The following CSMD3 variants were observed in gnomAD, a reference collection of about 807,000 sequenced individuals.
CSMD3 encodes CUB and Sushi multiple domains 3, also known as CUB and sushi domain-containing protein 3.
CSMD3 carries 177 observed loss-of-function variants against 435.2 expected under a neutral mutation model. That is an observed-to-expected ratio of 0.41 (90% CI 0.36 to 0.46). CSMD3 has a LOEUF of 0.46. Ranked by LOEUF, CSMD3 falls within the 20% of genes least tolerant of loss-of-function variation. The pLI is 0.34. For missense variants in CSMD3, 4,265 were observed against 4,504.6 expected, an observed-to-expected ratio of 0.95 and a Z score of 1.52; for synonymous variants, 1,656 against 1,520.5, an observed-to-expected ratio of 1.09 and a Z score of -2.07.
intron 13 of CSMD3, among the ~76,000 whole-genome samples, chr8:112,744,847 T>C (rs143587772): frequency 1.6e-4 from 25 of 152,242 alleles, no homozygotes; most frequent in African/African-American, 5.1e-4. Flanking sequence ...AGGTAACCTG[T>C]GCAGACTGGT....
At chr8:113,184,972 C>T (rs1009497589) in intron 3 of CSMD3, among the ~76,000 whole-genome samples, 7 of 152,158 alleles carry the variant, frequency 4.6e-5, no homozygotes, top group East Asian at 1.9e-4. Flanking sequence ...TTGGAAGGGA[C>T]GTTAGAATCA....
intron 5 of CSMD3, among the ~76,000 whole-genome samples, chr8:113,082,507 T>C (rs1588035910): frequency 6.6e-6 from 1 of 152,058 alleles, no homozygotes; most frequent in Non-Finnish European, 1.5e-5. Flanking sequence ...CCTATAAATC[T>C]ACTCCACAAA....
chr8:112,785,399 A>G (rs900737557), intron 13 of CSMD3, among the ~76,000 whole-genome samples: 1 of 151,986 alleles, frequency 6.6e-6, no homozygotes, highest in Non-Finnish European at 1.5e-5. Flanking sequence ...AGTACCAGAA[A>G]TTGTAGCTGG....
At chr8:112,859,725 T>C (rs957696557) in intron 10 of CSMD3, among the ~76,000 whole-genome samples, 2 of 151,692 alleles carry the variant, frequency 1.3e-5, no homozygotes, top group Non-Finnish European at 3.0e-5. Flanking sequence ...TCTGTACTTA[T>C]AACTATGAAT....
intron 65 of CSMD3, 80 bp downstream of exon 65, chr8:112,244,314 T>G: frequency 8.3e-7 from 1 of 1,210,478 alleles, no homozygotes; most frequent in Non-Finnish European, 1.2e-6. Flanking sequence ...TATGCTAATT[T>G]GAGTTGAGTT....
At position 112,335,479 on chromosome 8, in the gene CSMD3, G is replaced by A. The variant is rs1346480068; in HGVS notation, c.7020-5C>T. On this transcript the variant is annotated splice_polypyrimidine_tract_variant and splice_region_variant and intron_variant, in intron 44 of 70. Coordinates refer to ENST00000297405, the MANE Select transcript of CSMD3 (RefSeq NM_198123.2). The stretch of plus-strand genomic sequence containing the variant: ...GAATTTTGGTCTGGTCCATCCCTAT[G>A]AGACAAGGATTGGGAAAGGAGGAGA... 1 of 1,613,420 alleles carries A rather than the reference G, an allele frequency of 6.2e-7. No homozygotes were observed. Among genetic ancestry groups the A allele is most frequent in the Non-Finnish European group, 8.5e-7 (1 of 1,179,582 alleles).
At chr8:113,174,052 T>C in intron 3 of CSMD3, 136 bp from the exon 4 acceptor site, 1 of 696,832 alleles carries the variant, frequency 1.4e-6, no homozygotes. Flanking sequence ...AACTGTCTTC[T>C]ATTCCAATAC....
chr8:112,913,177 G>C (rs2082475098), intron 10 of CSMD3, among the ~76,000 whole-genome samples: 1 of 151,902 alleles, frequency 6.6e-6, no homozygotes, highest in Admixed American at 6.6e-5. Context: ...AACCTTTTAG[G>C]CACCAGGGAC....
At chr8:113,265,066 AT>A (rs2093458405) in intron 3 of CSMD3, among the ~76,000 whole-genome samples, 1 of 151,650 alleles carries the variant, frequency 6.6e-6, no homozygotes, top group East Asian at 1.9e-4. Context: ...ATCCAAAATG[AT>A]TTTTTATACA....
At chr8:113,080,097 TA>T (rs914950245) in intron 5 of CSMD3, among the ~76,000 whole-genome samples, 15 of 152,154 alleles carry the variant, frequency 9.9e-5, no homozygotes, top group African/African-American at 3.6e-4. Context: ...TGTTTGTTTT[TA>T]TTTAGCCGTT....
At chr8:112,311,573 T>C (rs574349482) in intron 49 of CSMD3, among the ~76,000 whole-genome samples, 2 of 152,324 alleles carry the variant, frequency 1.3e-5, no homozygotes, top group African/African-American at 4.8e-5. Flanking sequence ...TTTGAAGTTA[T>C]ATCCAGACAC....
chr8:112,786,386 A>G (rs1386681451), intron 13 of CSMD3, among the ~76,000 whole-genome samples: 3 of 152,162 alleles, frequency 2.0e-5, no homozygotes, highest in African/African-American at 7.2e-5. Context: ...TTATTACCCC[A>G]AAAGCACAGG....
chr8:113,072,069 G>A (rs533446883), intron 5 of CSMD3, among the ~76,000 whole-genome samples: 2 of 151,504 alleles, frequency 1.3e-5, no homozygotes, highest in Admixed American at 1.3e-4. Flanking sequence ...TATTGCTATT[G>A]TAAAGGAGAT....
At chr8:112,571,279 T>TAAA (rs1829492349) in intron 24 of CSMD3, among the ~76,000 whole-genome samples, 1 of 152,096 alleles carries the variant, frequency 6.6e-6, no homozygotes, top group Non-Finnish European at 1.5e-5. Flanking sequence ...AGTGCTGGGA[T>TAAA]TACAGGCGTG....
chr8:112,473,449 A>G (rs1255340822), intron 31 of CSMD3, among the ~76,000 whole-genome samples: 1 of 152,162 alleles, frequency 6.6e-6, no homozygotes. Context: ...AGCGAATAAG[A>G]TCACTCTGAA....
rs1253435296 is a variant in CSMD3 at position 113,312,918 on chromosome 8, T to C, written c.401+1653A>G. 4 of 152,192 alleles carry C rather than the reference T, an allele frequency of 2.6e-5. No individual in the cohort carries two copies. In the East Asian group the frequency reaches 7.7e-4, roughly 29 times the overall value. 9.4% of individuals were successfully genotyped at this position (152,192 alleles called of 1,614,324 possible). On this transcript the variant is annotated intron_variant, in intron 2 of 70. Transcript: ENST00000297405. ...AAAAGGAAAAAGAAATCAGATTTAC[T>C]CGGTAAACGAGTATAGAGGAAAAAA...
At chr8:113,337,797 A>G (rs1335653987) in intron 1 of CSMD3, among the ~76,000 whole-genome samples, 1 of 151,930 alleles carries the variant, frequency 6.6e-6, no homozygotes, top group Non-Finnish European at 1.5e-5. Flanking sequence ...ATAGTTAACA[A>G]CAATGTATTA....
intron 5 of CSMD3, among the ~76,000 whole-genome samples, chr8:113,066,135 A>C (rs1367811718): frequency 6.6e-6 from 1 of 150,962 alleles, no homozygotes; most frequent in Non-Finnish European, 1.5e-5. Flanking sequence ...AAAAGAAAAA[A>C]AAAAAAAAGA....
chr8:112,353,912 C>T (rs151280970), intron 38 of CSMD3, among the ~76,000 whole-genome samples: 38 of 152,196 alleles, frequency 2.5e-4, no homozygotes, highest in African/African-American at 8.4e-4. Context: ...AAATACAGGA[C>T]AATATTTCTG....
Sources: allele counts gnomAD v4.1 joint callset (sites outside exome capture counted in the v4.1 genomes callset), GRCh38; gene constraint gnomAD v4.1.1; transcripts MANE v1.5; gene names NCBI Gene and HGNC (gene_info 2026-07-23, HGNC 2026-07-21).